PRDM16: variants seen among roughly 807,000 people sequenced by gnomAD.
PRDM16 encodes histone-lysine N-methyltransferase PRDM16.
A neutral mutation model predicts 110.6 loss-of-function variants in PRDM16; 23 were observed. That is an observed-to-expected ratio of 0.21 (90% CI 0.15 to 0.29). The LOEUF is 0.29. Ranked by LOEUF, PRDM16 falls within the 10% of genes least tolerant of loss-of-function variation. PRDM16 has a pLI of 1.00. For missense variants in PRDM16, 1,615 were observed against 1,794.3 expected, an observed-to-expected ratio of 0.90 and a Z score of 1.81; for synonymous variants, 799 against 781.8, an observed-to-expected ratio of 1.02 and a Z score of -0.37.
At position 3,425,980 on chromosome 1, in the gene PRDM16, G is replaced by A. The variant is rs867764802; in HGVS notation, c.3110-71G>A. ...ACAGCACCCCAGGTGTACCCCGTTC[G>A]CGGTTGGTTTGCCCCACGGAGGGAG... is the stretch of plus-strand genomic sequence containing the variant. On this transcript the variant is annotated intron_variant, in intron 13 of 16. Transcript: ENST00000270722. The surrounding 1 kb of genome is among the most constrained non-coding windows in gnomAD (Gnocchi z 6.9). 82 of 1,518,334 alleles carry A rather than the reference G, an allele frequency of 5.4e-5. No homozygotes were observed. The highest frequency in any genetic ancestry group is 5.3e-4 in the East Asian group (23 of 43,528). 94.1% of individuals were successfully genotyped at this position (1,518,334 alleles called of 1,614,324 possible).
rs1640272900 is a variant in PRDM16 at position 3,265,809 on chromosome 1, G to A, written c.438+21672G>A. On this transcript the variant is annotated intron_variant, in intron 3 of 16. Coordinates refer to ENST00000270722, the MANE Select transcript of PRDM16 (RefSeq NM_022114.4). The surrounding 1 kb of genome is among the most constrained non-coding windows in gnomAD (Gnocchi z 4.5). The stretch of plus-strand genomic sequence containing the variant: ...TGTCCTCACCGCCCAGACCCTAGGA[G>A]CCCCCAGACCCTGCCTCAGTGGGTC... Among the ~76,000 whole-genome samples the A allele has an allele frequency of 6.6e-6, 1 of 152,102 alleles. No individual in the cohort carries two copies. The highest frequency in any genetic ancestry group is 2.4e-5 in the African/African-American group (1 of 41,410).
chr1:3,079,705 A>G (rs1641977195), intron 1 of PRDM16, among the ~76,000 whole-genome samples: 1 of 152,200 alleles, frequency 6.6e-6, no homozygotes, highest in Admixed American at 6.5e-5. Flanking sequence ...TCCAGGGAGA[A>G]GTGGCCCCTC....
chr1:3,208,835 G>A lies in PRDM16; in HGVS notation c.387+22361G>A, dbSNP rs1393150939. The stretch of plus-strand genomic sequence containing the variant: ...TTTGGAACCATCTCCACCCCCTGAA[G>A]CCATCTCCTCTTGCTCCCTGAGTGC... On this transcript the variant is annotated intron_variant, in intron 2 of 16. Transcript: ENST00000270722. The surrounding 1 kb of genome is among the most constrained non-coding windows in gnomAD (Gnocchi z 6.1). Among the ~76,000 whole-genome samples the A allele has an allele frequency of 1.3e-5, 2 of 152,178 alleles. No individual in the cohort carries two copies. Among genetic ancestry groups the A allele is most frequent in the African/African-American group, 4.8e-5 (2 of 41,442 alleles).
chr1:3,158,159 C>T (rs541497670), intron 1 of PRDM16, among the ~76,000 whole-genome samples: 3 of 152,280 alleles, frequency 2.0e-5, no homozygotes, highest in East Asian at 3.9e-4. Flanking sequence ...CAAACACACC[C>T]GCTTGCCACC....
intron 2 of PRDM16, among the ~76,000 whole-genome samples, chr1:3,216,297 A>AGTACAGTGG (rs1199063418): frequency 3.3e-5 from 5 of 152,098 alleles, no homozygotes; most frequent in Non-Finnish European, 7.3e-5. Flanking sequence ...ACCCGCAGAA[A>AGTACAGTGG]GTACAGTGGG....
intron 2 of PRDM16, among the ~76,000 whole-genome samples, chr1:3,239,754 G>C (rs1311089253): frequency 6.6e-6 from 1 of 152,070 alleles, no homozygotes; most frequent in East Asian, 1.9e-4. Flanking sequence ...TTAGAAATCA[G>C]CCTGAACAAC....
At chr1:3,408,061 A>G (rs759488112) in intron 8 of PRDM16, among the ~76,000 whole-genome samples, 2 of 152,226 alleles carry the variant, frequency 1.3e-5, no homozygotes, top group Non-Finnish European at 2.9e-5. Flanking sequence ...GGGGGTCTTC[A>G]GGCTTGGAGA....
At chr1:3,320,752 G>C (rs1237408666) in intron 3 of PRDM16, among the ~76,000 whole-genome samples, 4 of 152,222 alleles carry the variant, frequency 2.6e-5, no homozygotes, top group African/African-American at 9.6e-5. Context: ...TCTCCAGGCA[G>C]AGGTGACTCA....
At chr1:3,405,817 C>T (rs1643552972) in intron 8 of PRDM16, among the ~76,000 whole-genome samples, 169 bp downstream of exon 8, 1 of 152,222 alleles carries the variant, frequency 6.6e-6, no homozygotes, top group African/African-American at 2.4e-5. Context: ...GCCTGGTCCC[C>T]GGCAGGCACC....
At chr1:3,277,732 C>T (rs117762191) in intron 3 of PRDM16, among the ~76,000 whole-genome samples, 225 of 149,414 alleles carry the variant, frequency 1.5e-3, no homozygotes, top group African/African-American at 3.8e-3. Context: ...CACACACGCG[C>T]GCACACACGC....
chr1:3,417,991 C>A lies in PRDM16; in HGVS notation c.2855C>A (p.Thr952Lys), dbSNP rs749180764. 9.1e-5 allele frequency: 146 copies of A among 1,610,876 alleles called. No homozygotes were observed. The highest frequency in any genetic ancestry group is 1.2e-4 in the Non-Finnish European group (145 of 1,178,822). Residue 952 changes from threonine to lysine, a missense_variant, in exon 11 of 17, where the codon ACG becomes AAG. Coordinates refer to ENST00000270722, the MANE Select transcript of PRDM16 (RefSeq NM_022114.4). ...CTCAGGAAGGGCAAGGAGCGATACACGTGCAGGTGAGGGGCCCTTTGGTGC... is the reference window on the plus strand; with the variant it reads ...CTCAGGAAGGGCAAGGAGCGATACAAGTGCAGGTGAGGGGCCCTTTGGTGC... ...PILRKGKERY[T>K]CRYCGKIFPR...
chr1:3,349,454 C>T (rs1382777619), intron 3 of PRDM16, among the ~76,000 whole-genome samples: 2 of 152,202 alleles, frequency 1.3e-5, no homozygotes, highest in African/African-American at 2.4e-5. Flanking sequence ...GCTGTCTGCA[C>T]TGCCCGTCTC....
Position 3,304,145 on chromosome 1 carries a change from G to A in PRDM16, c.438+60008G>A, listed in dbSNP as rs576502143. Among the ~76,000 whole-genome samples the A allele has an allele frequency of 1.1e-4, 16 of 149,728 alleles. No individual in the cohort carries two copies. The South Asian group carries it at 3.5e-3, about 33-fold the overall frequency. ...TGGTGTGCCTTCTGAGGGATGTGCTGGGGAGCGCAGGAGGCCGTGGGCTCT... is the reference window on the plus strand; with the variant it reads ...TGGTGTGCCTTCTGAGGGATGTGCTAGGGAGCGCAGGAGGCCGTGGGCTCT... On this transcript the variant is annotated intron_variant, in intron 3 of 16. Coordinates refer to ENST00000270722, the MANE Select transcript of PRDM16 (RefSeq NM_022114.4).
chr1:3,322,513 G>A (rs1641783654), intron 3 of PRDM16, among the ~76,000 whole-genome samples: 2 of 152,034 alleles, frequency 1.3e-5, no homozygotes, highest in South Asian at 4.2e-4. Context: ...TAAGACCCAG[G>A]ACCCCCACCC....
At chr1:3,341,941 T>C (rs1163739253) in intron 3 of PRDM16, among the ~76,000 whole-genome samples, 6 of 152,272 alleles carry the variant, frequency 3.9e-5, no homozygotes, top group Non-Finnish European at 8.8e-5. Flanking sequence ...ATTTTCAATT[T>C]ATGATGAGCT....
At chr1:3,215,832 G>A (rs754119632) in intron 2 of PRDM16, among the ~76,000 whole-genome samples, 7 of 152,232 alleles carry the variant, frequency 4.6e-5, no homozygotes, top group South Asian at 2.1e-4. Context: ...GCGCGGCGTC[G>A]GCAACAAGGG....
intron 2 of PRDM16, among the ~76,000 whole-genome samples, chr1:3,230,406 C>T (rs775524128): frequency 2.0e-5 from 3 of 152,164 alleles, no homozygotes; most frequent in Admixed American, 6.5e-5. Context: ...CAGTTAGCGC[C>T]GGACTCACGG....
chr1:3,128,539 T>C (rs1413986838), intron 1 of PRDM16, among the ~76,000 whole-genome samples: 5 of 152,048 alleles, frequency 3.3e-5, no homozygotes, highest in African/African-American at 1.2e-4. Flanking sequence ...TCTCCCACAA[T>C]GGTGACCTGC....
In PRDM16 at chr1:3,244,157, G is replaced by A. The variant is rs531910591; in HGVS notation, c.438+20G>A. ...ACAAAGGTAGGAGAGCTCGCCCTGCGCCGTCTCAGCTCCCCAGCGTCCTCG... is the reference window on the plus strand; with the variant it reads ...ACAAAGGTAGGAGAGCTCGCCCTGCACCGTCTCAGCTCCCCAGCGTCCTCG... On this transcript the variant is annotated intron_variant, in intron 3 of 16. Coordinates refer to ENST00000270722, the MANE Select transcript of PRDM16 (RefSeq NM_022114.4). This position sits in a 1 kb window ranked among gnomAD's most constrained non-coding sequence, Gnocchi z 4.1. 25 of 1,612,380 alleles carry A rather than the reference G, an allele frequency of 1.6e-5. No homozygotes were observed. The East Asian group carries it at 4.2e-4, about 27-fold the overall frequency.
Sources: allele counts gnomAD v4.1 joint callset (sites outside exome capture counted in the v4.1 genomes callset), GRCh38; gene constraint gnomAD v4.1.1; non-coding constraint Gnocchi (gnomAD v3.1); transcripts MANE v1.5; gene names NCBI Gene and HGNC (gene_info 2026-07-23, HGNC 2026-07-21).